Variants in TNFSF14 observed in about 807,000 individuals in gnomAD.
TNFSF14 encodes the protein TNF superfamily member 14, also known as tumor necrosis factor ligand superfamily member 14.
TNFSF14 carries 15 observed loss-of-function variants against 22.7 expected under a neutral mutation model. That is an observed-to-expected ratio of 0.66 (90% confidence interval 0.44 to 1.02). The LOEUF (loss-of-function observed/expected upper bound fraction) is 1.02. Among genes scored for constraint, TNFSF14 ranks in the 50% least tolerant of loss-of-function variants. The probability of loss-of-function intolerance (pLI) is 0.00; values close to 1 mark genes in which losing one functional copy is unlikely to be tolerated. For synonymous variants in TNFSF14, 133 were observed against 139.6 expected (o/e 0.95, Z 0.33); for missense variants, 287 against 326.2 (o/e 0.88, Z 0.93).
chr19:6,661,800 C>T lies in TNFSF14; in HGVS notation c.*3126G>A, dbSNP rs1373943759. The T allele has an allele frequency of 6.6e-6, 1 of 152,204 alleles. No homozygotes were observed. The highest frequency in any genetic ancestry group is 1.5e-5 in the Non-Finnish European group (1 of 68,038). The allele number at this position is 152,204 out of a possible 1,614,324, so 9.4% of individuals were successfully genotyped here. On this transcript the variant is annotated 3_prime_UTR_variant, in exon 4 of 4. Coordinates refer to ENST00000675206, the MANE Select transcript of TNFSF14 (RefSeq NM_001376887.1). The stretch of plus-strand genomic sequence containing the variant: ...TGACTCTGAATTTATATACTACTAA[C>T]CAGCAATCATTTTCCTCCACCTATT...
rs1917462872 is a variant in TNFSF14 at position 6,667,397 on chromosome 19, C to T, written c.256+16G>A. Reference sequence around the variant, plus strand: ...ATCATCACACCTCCTTCCCTGGGGCCAGGACCCTGACTCACCTTGTATCAG... The same window carrying T: ...ATCATCACACCTCCTTCCCTGGGGCTAGGACCCTGACTCACCTTGTATCAG... On this transcript the variant is annotated intron_variant, in intron 2 of 3. Coordinates refer to ENST00000675206, the MANE Select transcript of TNFSF14 (RefSeq NM_001376887.1). 6.5e-7 allele frequency: 1 copy of T among 1,539,698 alleles called. No homozygotes were observed. Among genetic ancestry groups the T allele is most frequent in the Non-Finnish European group, 8.7e-7 (1 of 1,150,590 alleles).
At chr19:6,667,552 C>A (rs1397247561) in intron 1 of TNFSF14, 103 bp from the exon 2 acceptor site, 6 of 1,312,784 alleles carry the variant, frequency 4.6e-6, no homozygotes, top group Admixed American at 3.2e-5. Context: ...GCCACCGACA[C>A]CACCCTCAGA....
intron 1 of TNFSF14, among the ~76,000 whole-genome samples, chr19:6,669,253 G>A (rs1165058930): frequency 2.0e-5 from 3 of 152,204 alleles, no homozygotes; most frequent in Non-Finnish European, 4.4e-5. Context: ...GGAGGCTGAG[G>A]CGGGTGGATC....
At chr19:6,667,824 T>C (rs1296478411) in intron 1 of TNFSF14, among the ~76,000 whole-genome samples, 3 of 152,162 alleles carry the variant, frequency 2.0e-5, no homozygotes, top group Admixed American at 6.5e-5. Flanking sequence ...GCAGATTACC[T>C]GAGGTCAGGA....
intron 1 of TNFSF14, among the ~76,000 whole-genome samples, chr19:6,669,611 T>C (rs769369165): frequency 6.6e-6 from 1 of 152,102 alleles, no homozygotes; most frequent in Non-Finnish European, 1.5e-5. Context: ...GCATACTTCG[T>C]CCCCTATGAA....
chr19:6,664,967 G>A lies in TNFSF14; in HGVS notation c.682C>T (p.Arg228Cys), dbSNP rs979467274. 4.4e-6 allele frequency: 7 copies of A among 1,608,920 alleles called. No homozygotes were observed. The highest frequency in any genetic ancestry group is 5.1e-6 in the Non-Finnish European group (6 of 1,176,100). The change falls in exon 4 of 4, where the codon CGT becomes TGT. Residue 228 changes from arginine (R) to cysteine (C), a missense_variant. Physicochemically the swap from Arg to Cys is radical, Grantham distance 180. Transcript: ENST00000675206. The surrounding 1 kb of genome is among the most constrained non-coding windows in gnomAD (Gnocchi z 4.7). ...RVLDERLVRL[R>C]DGTRSYFGAF... ...CCGAAGTAAGACCGGGTACCATCAC[G>A]CAGTCGAACCAGGCGTTCATCCAGC...
intron 2 of TNFSF14, 98 bp from the exon 3 acceptor site, chr19:6,667,252 C>T: frequency 2.8e-6 from 4 of 1,450,154 alleles, no homozygotes; most frequent in Non-Finnish European, 3.7e-6. Context: ...ATCAACCCCA[C>T]CCCTTCCGGA....
rs754913417 is a variant in TNFSF14, at chr19:6,669,804, G to GAGCCCCCCTCACCTCCACCTGCTCTC, written c.219+21_219+46dup. On this transcript the variant is annotated intron_variant, in intron 1 of 3. Coordinates refer to ENST00000675206, the MANE Select transcript of TNFSF14 (RefSeq NM_001376887.1). ...CACAGTGACCCACAATGACACAGGG[G>GAGCCCCCCTCACCTCCACCTGCTCTC]AGCCCCCCTCACCTCCACCTGCTCT... The GAGCCCCCCTCACCTCCACCTGCTCTC allele has an allele frequency of 6.5e-5, 103 of 1,596,736 alleles. 1 individual carries two copies. The highest frequency in any genetic ancestry group is 1.1e-4 in the South Asian group (10 of 90,214).
rs747405721 is a variant in TNFSF14 at position 6,665,287 on chromosome 19, G to A, written c.362C>T (p.Ala121Val). ...GTGGTAGCTGAGGCCCCTCAGGAAGGCCAGGCCCAGCTGAGTCTCCCATAA... is the reference window on the plus strand; with the variant it reads ...GTGGTAGCTGAGGCCCCTCAGGAAGACCAGGCCCAGCTGAGTCTCCCATAA... ...PLLWETQLGL[A>V]FLRGLSYHDG... The change falls in exon 4 of 4, where the codon GCC (alanine) becomes GTC (valine). Residue 121 changes from alanine to valine, a missense_variant. By Grantham distance (64) the Ala-to-Val change is moderately conservative (BLOSUM62 0). Coordinates refer to ENST00000675206, the MANE Select transcript of TNFSF14 (RefSeq NM_001376887.1). 3 of 1,612,558 alleles carry A rather than the reference G, an allele frequency of 1.9e-6. No homozygotes were observed. The highest frequency in any genetic ancestry group is 2.5e-6 in the Non-Finnish European group (3 of 1,179,562).
At chr19:6,666,328 G>A (rs1917425831) in intron 3 of TNFSF14, among the ~76,000 whole-genome samples, 1 of 149,610 alleles carries the variant, frequency 6.7e-6, no homozygotes, top group African/African-American at 2.5e-5. Context: ...CTTGCACCTG[G>A]CAAGTTGAGG....
At chr19:6,667,763 G>A (rs1048951585) in intron 1 of TNFSF14, among the ~76,000 whole-genome samples, 2 of 152,216 alleles carry the variant, frequency 1.3e-5, no homozygotes, top group Non-Finnish European at 2.9e-5. Context: ...TTAATAGGTC[G>A]GGTGCATTGG....
At position 6,663,479 on chromosome 19, in the gene TNFSF14, A is replaced by AT. The variant is rs1374353880; in HGVS notation, c.*1446dup. ...GTGATGTTGTGTGTGTGTAATGTGT[A>AT]TTTGTCATGGTGATATTGTGTGTGT... is the stretch of plus-strand genomic sequence containing the variant. On this transcript the variant is annotated 3_prime_UTR_variant, in exon 4 of 4. Transcript: ENST00000675206. The AT allele has an allele frequency of 1.3e-4, 20 of 151,780 alleles. No individual in the cohort carries two copies. The highest frequency in any genetic ancestry group is 6.6e-5 in the Admixed American group (1 of 15,188). The allele number at this position is 151,780 out of a possible 1,614,324, so 9.4% of individuals were successfully genotyped here. A position where few individuals can be genotyped will look rare whatever the true frequency, so the allele number is the denominator to read the frequency against.
intron 3 of TNFSF14, 70 bp from the exon 4 acceptor site, chr19:6,665,420 T>C: frequency 1.4e-6 from 2 of 1,434,774 alleles, no homozygotes; most frequent in Non-Finnish European, 1.8e-6. Flanking sequence ...TGTTTGTTTG[T>C]TTGTTTGACA....
In TNFSF14 at chr19:6,663,337, T is replaced by C. The variant is rs1283813833; in HGVS notation, c.*1589A>G. On this transcript the variant is annotated 3_prime_UTR_variant, in exon 4 of 4. Coordinates refer to ENST00000675206, the MANE Select transcript of TNFSF14 (RefSeq NM_001376887.1). ...GTGTGTCATTGTGATGTTGTGTGTG[T>C]GTAATGTTGTGTTTGTCATTGTGAT... The C allele has an allele frequency of 7.0e-6, 1 of 143,008 alleles. No homozygotes were observed. The highest frequency in any genetic ancestry group is 2.8e-4 in the East Asian group (1 of 3,626). 8.9% of individuals were successfully genotyped at this position (143,008 alleles called of 1,614,324 possible). A position where few individuals can be genotyped will look rare whatever the true frequency, so the allele number is the denominator to read the frequency against.
chr19:6,667,358 G>T, intron 2 of TNFSF14, 55 bp downstream of exon 2: 1 of 1,505,398 alleles, frequency 6.6e-7, no homozygotes, highest in South Asian at 1.3e-5. Flanking sequence ...CCGAGGGGTG[G>T]GGGTGGCATG....
In TNFSF14 at chr19:6,667,223, A is replaced by C; in HGVS notation, c.257-69T>G. 4 of 1,473,398 alleles carry C rather than the reference A, an allele frequency of 2.7e-6. No individual in the cohort carries two copies. In the South Asian group the frequency reaches 5.5e-5, roughly 20 times the overall value. 91.3% of individuals were successfully genotyped at this position (1,473,398 alleles called of 1,614,324 possible). On this transcript the variant is annotated intron_variant, in intron 2 of 3. Transcript: ENST00000675206. The stretch of plus-strand genomic sequence containing the variant: ...TAAAAAGCCAGCCTCCTAAAGGGCC[A>C]CCGTGTACACCTCCTGGAATCAACC...
intron 3 of TNFSF14, 62 bp from the exon 4 acceptor site, chr19:6,665,412 T>A: frequency 7.3e-7 from 1 of 1,363,712 alleles, no homozygotes; most frequent in South Asian, 1.5e-5. Flanking sequence ...CTGTTGCTTG[T>A]TTGTTTGTTT....
At chr19:6,667,186 A>G in intron 2 of TNFSF14, 32 bp from the exon 3 acceptor site, 1 of 1,542,106 alleles carries the variant, frequency 6.5e-7, no homozygotes, top group Non-Finnish European at 8.7e-7. Flanking sequence ...TTAGAGACGA[A>G]GACAGTGGAG....
intron 1 of TNFSF14, among the ~76,000 whole-genome samples, chr19:6,668,992 G>C (rs553223353): frequency 6.6e-6 from 1 of 152,316 alleles, no homozygotes; most frequent in Admixed American, 6.5e-5. Context: ...ATATGGACAC[G>C]AATGTGTGGC....
Sources: gnomAD v4.1 joint callset for allele counts (sites outside exome capture counted in the v4.1 genomes callset) on GRCh38, gnomAD v4.1.1 for gene constraint, Gnocchi (gnomAD v3.1) non-coding constraint, MANE v1.5 for transcripts, NCBI Gene and HGNC (gene_info 2026-07-23, HGNC 2026-07-21) for gene names.